Variants in ATL2 observed in about 807,000 individuals in gnomAD.
The protein encoded by ATL2 is atlastin GTPase 2, also known as atlastin-2.
In ATL2, 31 loss-of-function variants were observed where a neutral mutation model predicts 73.9. The observed-to-expected ratio is 0.42, with a 90% confidence interval of 0.32 to 0.57. The LOEUF is 0.57. Among genes scored for constraint, ATL2 ranks in the 20% least tolerant of loss-of-function variants. The pLI, the probability that ATL2 is intolerant of heterozygous loss-of-function variation, is 0.14. For missense variants in ATL2, 738 were observed against 702.6 expected, an observed-to-expected ratio of 1.05 and a Z score of -0.57; for synonymous variants, 291 against 237.5, an observed-to-expected ratio of 1.23 and a Z score of -2.07.
At chr2:38,320,340 T>A (rs1463607816) in intron 2 of ATL2, among the ~76,000 whole-genome samples, 1 of 152,174 alleles carries the variant, frequency 6.6e-6, no homozygotes, top group Non-Finnish European at 1.5e-5. Flanking sequence ...CTCAAGTATC[T>A]GCAGTGAAAG....
intron 5 of ATL2, 29 bp downstream of exon 5, chr2:38,315,255 A>C: frequency 6.8e-7 from 1 of 1,465,442 alleles, no homozygotes; most frequent in Non-Finnish European, 9.0e-7. Flanking sequence ...CCATCTCAAA[A>C]AATAAAAATT....
intron 2 of ATL2, among the ~76,000 whole-genome samples, chr2:38,332,968 G>T (rs2148464787): frequency 6.6e-6 from 1 of 152,338 alleles, no homozygotes; most frequent in South Asian, 2.1e-4. Context: ...GAGGCAGGAG[G>T]ATTGCTTGAG....
At chr2:38,328,089 T>G (rs545175966) in intron 2 of ATL2, among the ~76,000 whole-genome samples, 1 of 150,008 alleles carries the variant, frequency 6.7e-6, no homozygotes, top group African/African-American at 2.5e-5. Flanking sequence ...AAAGCTAGAG[T>G]AGCTATGTTA....
intron 2 of ATL2, among the ~76,000 whole-genome samples, chr2:38,337,708 GATGAA>G (rs1573519246): frequency 6.6e-6 from 1 of 151,728 alleles, no homozygotes; most frequent in South Asian, 2.1e-4. Flanking sequence ...TTAGATTATA[GATGAA>G]ATGAGATTGG....
Position 38,350,126 on chromosome 2 carries a change from A to G in ATL2, c.119-6614T>C, listed in dbSNP as rs374537657. Among the ~76,000 whole-genome samples the G allele has an allele frequency of 1.2e-4, 19 of 152,328 alleles. 1 individual carries two copies. Among genetic ancestry groups the G allele is most frequent in the Admixed American group, 7.2e-4 (11 of 15,306 alleles). ...TCTCTAAATTCCACACCACTCTAAG[A>G]TTTTAAACTGAAGTTACGTCCTGTG... is the stretch of plus-strand genomic sequence containing the variant. On this transcript the variant is annotated intron_variant, in intron 1 of 12. Transcript: ENST00000378954.
In ATL2 at chr2:38,328,464, T is replaced by C. The variant is rs374272944; in HGVS notation, c.364-9445A>G. On this transcript the variant is annotated intron_variant, in intron 2 of 12. Transcript: ENST00000378954. Reference sequence around the variant, plus strand: ...TTTAAAAATTTTAAGGGATAGATAATACAAAGTATGCTCTCATACCACAAC... The same window carrying C: ...TTTAAAAATTTTAAGGGATAGATAACACAAAGTATGCTCTCATACCACAAC... 8.4e-4 allele frequency among the ~76,000 whole-genome samples: 128 copies of C among 152,272 alleles called. 1 individual carries two copies. Among genetic ancestry groups the C allele is most frequent in the African/African-American group, 2.8e-3 (117 of 41,534 alleles).
intron 9 of ATL2, among the ~76,000 whole-genome samples, chr2:38,305,229 T>C (rs1374324565): frequency 6.6e-6 from 1 of 152,140 alleles, no homozygotes; most frequent in African/African-American, 2.4e-5. Flanking sequence ...CAAGTATTAT[T>C]AGAAACTAAA....
rs1224435712 is a variant in ATL2, at chr2:38,350,363, A to T, written c.119-6851T>A. 2.0e-5 allele frequency among the ~76,000 whole-genome samples: 3 copies of T among 152,188 alleles called. No individual in the cohort carries two copies. In the East Asian group the frequency reaches 5.8e-4, roughly 29 times the overall value. On this transcript the variant is annotated intron_variant, in intron 1 of 12. Transcript: ENST00000378954. ...TCTCTCCACACATTAACACTAAGGT[A>T]CCTACCTAATATCTATTTGCCACAC...
intron 1 of ATL2, among the ~76,000 whole-genome samples, chr2:38,352,133 C>CAAAAAAAAAAAAAAAAAAAAAAA (rs778821586): frequency 3.1e-5 from 1 of 31,998 alleles, no homozygotes; most frequent in Non-Finnish European, 7.9e-5. Context: ...AAACAACAAC[C>CAAAAAAAAAAAAAAAAAAAAAAA]AAAAAAAAAA....
At chr2:38,301,140 TC>T (rs972226684) in intron 9 of ATL2, among the ~76,000 whole-genome samples, 34 of 152,080 alleles carry the variant, frequency 2.2e-4, no homozygotes, top group Non-Finnish European at 2.9e-5. Context: ...CCAGCTAATT[TC>T]GTATTTTTAG....
At position 38,294,815 on chromosome 2, in the gene ATL2, A is replaced by G. The variant is rs1666803340; in HGVS notation, c.*1179T>C. On this transcript the variant is annotated 3_prime_UTR_variant, in exon 13 of 13. Transcript: ENST00000378954. ...GTTTCCTGCTCATGCTCTTTTCACT[A>G]TAAACAAATGTGGTTTATGAAGTGG... 1 of 152,146 alleles carries G rather than the reference A, an allele frequency of 6.6e-6. No individual in the cohort carries two copies. Among genetic ancestry groups the G allele is most frequent in the Non-Finnish European group, 1.5e-5 (1 of 68,038 alleles). 9.4% of individuals were successfully genotyped at this position (152,146 alleles called of 1,614,324 possible).
chr2:38,357,517 G>C (rs962301371), intron 1 of ATL2, among the ~76,000 whole-genome samples: 1 of 151,318 alleles, frequency 6.6e-6, no homozygotes, highest in Non-Finnish European at 1.5e-5. Context: ...AGCTGGGCGT[G>C]GTGGCACACC....
intron 6 of ATL2, among the ~76,000 whole-genome samples, chr2:38,313,850 C>G (rs535637883): frequency 8.4e-4 from 128 of 152,274 alleles, no homozygotes; most frequent in African/African-American, 3.0e-3. Flanking sequence ...CCAAAAATGT[C>G]TCCAGACATT....
At chr2:38,336,673 C>G (rs990625281) in intron 2 of ATL2, among the ~76,000 whole-genome samples, 4 of 152,170 alleles carry the variant, frequency 2.6e-5, no homozygotes, top group African/African-American at 9.7e-5. Flanking sequence ...AAGGCTCTGG[C>G]ATCAAATTGC....
rs909458771 is a variant in ATL2 at position 38,343,175 on chromosome 2, A to T, written c.363+93T>A. 4.1e-6 allele frequency: 3 copies of T among 739,968 alleles called. No homozygotes were observed. In the African/African-American group the frequency reaches 6.1e-5, roughly 15 times the overall value. The allele number at this position is 739,968 out of a possible 1,614,324, so 45.8% of individuals were successfully genotyped here. On this transcript the variant is annotated intron_variant, in intron 2 of 12. Transcript: ENST00000378954. ...AAAAAAAAAAAAAAAAAAAAAAAAA[A>T]AAAGATATAGTTCTGGTTTTTGTCT...
At chr2:38,331,257 A>G (rs1391667279) in intron 2 of ATL2, among the ~76,000 whole-genome samples, 1 of 151,978 alleles carries the variant, frequency 6.6e-6, no homozygotes, top group Admixed American at 6.6e-5. Context: ...ACTCGATGGT[A>G]AAACTCGATC....
chr2:38,353,413 G>A (rs1670472912), intron 1 of ATL2, among the ~76,000 whole-genome samples: 1 of 152,106 alleles, frequency 6.6e-6, no homozygotes, highest in African/African-American at 2.4e-5. Flanking sequence ...GAAGTACAGA[G>A]AGAAAAAAGA....
chr2:38,330,046 T>C (rs1348501871), intron 2 of ATL2, among the ~76,000 whole-genome samples: 13 of 151,940 alleles, frequency 8.6e-5, no homozygotes, highest in Non-Finnish European at 1.9e-4. Flanking sequence ...GGAGAATCGC[T>C]TAAACCCAGG....
At chr2:38,322,224 T>C (rs1295744330) in intron 2 of ATL2, among the ~76,000 whole-genome samples, 1 of 152,222 alleles carries the variant, frequency 6.6e-6, no homozygotes, top group Non-Finnish European at 1.5e-5. Flanking sequence ...AATGAATTTA[T>C]TATTTGTAAA....
Sources: allele counts gnomAD v4.1 joint callset (sites outside exome capture counted in the v4.1 genomes callset), GRCh38; gene constraint gnomAD v4.1.1; transcripts MANE v1.5; gene names NCBI Gene and HGNC (gene_info 2026-07-23, HGNC 2026-07-21).